FLRT2: variants seen among roughly 807,000 people sequenced by gnomAD.
FLRT2 encodes the protein leucine-rich repeat transmembrane protein FLRT2.
FLRT2 carries 15 observed loss-of-function variants against 40.0 expected under a neutral mutation model. The ratio of observed to expected loss-of-function variants is 0.38; its 90% confidence interval spans 0.25 to 0.58. The LOEUF is 0.58. Among genes scored for constraint, FLRT2 ranks in the 20% least tolerant of loss-of-function variants. The pLI is 0.71. For synonymous variants in FLRT2, 380 were observed against 336.8 expected (o/e 1.13, Z -1.41); for missense variants, 726 against 840.0 (o/e 0.86, Z 1.68).
At chr14:85,558,497 TAAAA>T (rs1890114172) in intron 1 of FLRT2, among the ~76,000 whole-genome samples, 1 of 152,202 alleles carries the variant, frequency 6.6e-6, no homozygotes, top group East Asian at 1.9e-4. Context: ...GAAACAGTGG[TAAAA>T]TATAGACTGT....
At position 85,645,509 on chromosome 14, in the gene FLRT2, G is replaced by A. The variant is rs1894276352; in HGVS notation, c.*22012G>A. 6.6e-6 allele frequency: 1 copy of A among 151,966 alleles called. No individual in the cohort carries two copies. Among genetic ancestry groups the A allele is most frequent in the Admixed American group, 6.6e-5 (1 of 15,254 alleles). The allele number at this position is 151,966 out of a possible 1,614,324, so 9.4% of individuals were successfully genotyped here. A position where few individuals can be genotyped will look rare whatever the true frequency, so the allele number is the denominator to read the frequency against. On this transcript the variant is annotated 3_prime_UTR_variant, in exon 2 of 2. Transcript: ENST00000330753. ...AGGTCTTTGAATGGTACATCTATTT[G>A]TTCACTCTGCTTGGAAACAAAGGTT...
At chr14:85,613,011 T>A (rs750081173) in intron 1 of FLRT2, among the ~76,000 whole-genome samples, 83 of 152,166 alleles carry the variant, frequency 5.5e-4, no homozygotes, top group Middle Eastern at 3.2e-3. Context: ...TTGGATTGAG[T>A]TTATTTTTTT....
At chr14:85,539,694 G>A (rs1224878067) in intron 1 of FLRT2, among the ~76,000 whole-genome samples, 3 of 152,154 alleles carry the variant, frequency 2.0e-5, no homozygotes, top group African/African-American at 4.8e-5. Context: ...TAATGTGTGT[G>A]AAAATACCTT....
At chr14:85,603,938 T>A (rs1298167480) in intron 1 of FLRT2, among the ~76,000 whole-genome samples, 1 of 152,180 alleles carries the variant, frequency 6.6e-6, no homozygotes, top group African/African-American at 2.4e-5. Context: ...TAACATAAGG[T>A]AACTTTTCCT....
rs1595106683 is a variant in FLRT2, at chr14:85,631,379, A to T, written c.*7882A>T. ...TTATTTTTAGCACCTATATATTGTAATTTTTTGTGAGTCTGCTTCATGCCT... is the reference window on the plus strand; with the variant it reads ...TTATTTTTAGCACCTATATATTGTATTTTTTTGTGAGTCTGCTTCATGCCT... On this transcript the variant is annotated 3_prime_UTR_variant, in exon 2 of 2. Transcript: ENST00000330753. 6.6e-6 allele frequency: 1 copy of T among 152,058 alleles called. No homozygotes were observed. The highest frequency in any genetic ancestry group is 1.5e-5 in the Non-Finnish European group (1 of 68,004). 9.4% of individuals were successfully genotyped at this position (152,058 alleles called of 1,614,324 possible). A position where few individuals can be genotyped will look rare whatever the true frequency, so the allele number is the denominator to read the frequency against.
chr14:85,594,103 T>C (rs893972417), intron 1 of FLRT2, among the ~76,000 whole-genome samples: 3 of 152,196 alleles, frequency 2.0e-5, no homozygotes, highest in Non-Finnish European at 4.4e-5. Flanking sequence ...AGTCATCTTA[T>C]ATATTGTGGA....
rs983889156 is a variant in FLRT2, at chr14:85,647,199, A to C, written c.*23702A>C. The C allele has an allele frequency of 6.6e-6, 1 of 152,104 alleles. No individual in the cohort carries two copies. The highest frequency in any genetic ancestry group is 2.4e-5 in the African/African-American group (1 of 41,416). The allele number at this position is 152,104 out of a possible 1,614,324, so 9.4% of individuals were successfully genotyped here. ...ATATAGCATGTTATGAATGTTAGGC[A>C]TATTTTGGTCTTTCCTTTCTATCTA... is the stretch of plus-strand genomic sequence containing the variant. On this transcript the variant is annotated 3_prime_UTR_variant, in exon 2 of 2. Transcript: ENST00000330753.
intron 1 of FLRT2, among the ~76,000 whole-genome samples, chr14:85,583,487 T>C (rs1004802423): frequency 6.6e-6 from 1 of 152,054 alleles, no homozygotes; most frequent in Non-Finnish European, 1.5e-5. Context: ...ATTAAAGCAA[T>C]GAATTTTAGG....
Position 85,640,321 on chromosome 14 carries a change from T to G in FLRT2, c.*16824T>G, listed in dbSNP as rs1382287513. On this transcript the variant is annotated 3_prime_UTR_variant, in exon 2 of 2. Coordinates refer to ENST00000330753, the MANE Select transcript of FLRT2 (RefSeq NM_013231.6). ...TTTATCAGGACAGTAAGGCAATCAG[T>G]GGAGTAATGATCCTTCCAAACTGCT... is the stretch of plus-strand genomic sequence containing the variant. The G allele has an allele frequency of 2.0e-5, 3 of 152,180 alleles. No homozygotes were observed. The highest frequency in any genetic ancestry group is 4.4e-5 in the Non-Finnish European group (3 of 68,042). 9.4% of individuals were successfully genotyped at this position (152,180 alleles called of 1,614,324 possible).
chr14:85,571,851 T>C (rs1890906180), intron 1 of FLRT2, among the ~76,000 whole-genome samples: 1 of 152,140 alleles, frequency 6.6e-6, no homozygotes, highest in African/African-American at 2.4e-5. Flanking sequence ...TTCAGTGAAA[T>C]AGAAAGGTGA....
Position 85,538,516 on chromosome 14 carries a change from G to A in FLRT2, c.-377+7982G>A, listed in dbSNP as rs192071346. On this transcript the variant is annotated intron_variant, in intron 1 of 1. Transcript: ENST00000330753. ...GGAATGTGCAAGAAACTTGGAAAAAGGTCTTCTGTTCCCTTCAGTTCACAT... is the reference window on the plus strand; with the variant it reads ...GGAATGTGCAAGAAACTTGGAAAAAAGTCTTCTGTTCCCTTCAGTTCACAT... Among the ~76,000 whole-genome samples the A allele has an allele frequency of 1.4e-3, 200 of 146,850 alleles. 1 individual carries two copies. Among genetic ancestry groups the A allele is most frequent in the Admixed American group, 3.8e-3 (54 of 14,256 alleles).
Position 85,536,818 on chromosome 14 carries a change from G to A in FLRT2, c.-377+6284G>A, listed in dbSNP as rs3742482. ...GTAATAAAAATGTTATGGACTAATA[G>A]AGAGGCAACTAAATGGTTATTCCAT... On this transcript the variant is annotated intron_variant, in intron 1 of 1. Transcript: ENST00000330753. Among the ~76,000 whole-genome samples the A allele has an allele frequency of 3.2e-4, 48 of 152,232 alleles. 1 individual carries two copies. In the East Asian group the frequency reaches 8.7e-3, roughly 28 times the overall value.
At chr14:85,603,239 C>T (rs964249576) in intron 1 of FLRT2, among the ~76,000 whole-genome samples, 4 of 152,024 alleles carry the variant, frequency 2.6e-5, no homozygotes, top group Non-Finnish European at 5.9e-5. Flanking sequence ...CAAGCTGCAA[C>T]AGAGAACAAC....
chr14:85,587,370 A>C (rs2139885192), intron 1 of FLRT2, among the ~76,000 whole-genome samples: 1 of 152,032 alleles, frequency 6.6e-6, no homozygotes, highest in African/African-American at 2.4e-5. Flanking sequence ...GTGTGCCAAT[A>C]GCGCCAAAGA....
rs538177249 is a variant in FLRT2 at position 85,579,607 on chromosome 14, C to T, written c.-376-41532C>T. 2.2e-3 allele frequency among the ~76,000 whole-genome samples: 342 copies of T among 152,196 alleles called. 2 individuals are homozygous for T. The highest frequency in any genetic ancestry group is 3.4e-3 in the Middle Eastern group (1 of 294). ...TTTGCCTCTCAGAACCCCAATTTTC[C>T]GTATCTATAAAATGGAAATAAAATT... is the stretch of plus-strand genomic sequence containing the variant. On this transcript the variant is annotated intron_variant, in intron 1 of 1. Transcript: ENST00000330753.
chr14:85,542,867 C>T (rs1889061409), intron 1 of FLRT2, among the ~76,000 whole-genome samples: 1 of 152,162 alleles, frequency 6.6e-6, no homozygotes, highest in Admixed American at 6.5e-5. Flanking sequence ...AGGCACCATG[C>T]TAAATTTTGT....
chr14:85,565,446 T>C (rs1158770806), intron 1 of FLRT2, among the ~76,000 whole-genome samples: 3 of 152,204 alleles, frequency 2.0e-5, no homozygotes, highest in Non-Finnish European at 4.4e-5. Context: ...ACCTTGATGT[T>C]GCTATTCAGA....
intron 1 of FLRT2, among the ~76,000 whole-genome samples, chr14:85,606,492 A>G (rs566088936): frequency 2.0e-5 from 3 of 150,284 alleles, no homozygotes; most frequent in Non-Finnish European, 4.4e-5. Flanking sequence ...GGTGCATTAC[A>G]CGTTACATGT....
chr14:85,603,238 A>G (rs1892457525), intron 1 of FLRT2, among the ~76,000 whole-genome samples: 1 of 152,190 alleles, frequency 6.6e-6, no homozygotes, highest in Non-Finnish European at 1.5e-5. Context: ...ACAAGCTGCA[A>G]CAGAGAACAA....
Sources: gnomAD v4.1 joint callset for allele counts (sites outside exome capture counted in the v4.1 genomes callset) on GRCh38, gnomAD v4.1.1 for gene constraint, MANE v1.5 for transcripts, NCBI Gene and HGNC (gene_info 2026-07-23, HGNC 2026-07-21) for gene names.